EZR: variants seen among roughly 807,000 people sequenced by gnomAD.
The protein encoded by EZR is cytovillin 2.
Under a neutral mutation model 74.8 loss-of-function variants are expected in EZR, and 40 were observed. That is an observed-to-expected ratio of 0.53 (90% CI 0.42 to 0.70). The LOEUF (loss-of-function observed/expected upper bound fraction) is 0.70, where lower values mean the gene tolerates loss of function less well. Among genes scored for constraint, EZR ranks in the 30% least tolerant of loss-of-function variants. The pLI is 0.00. For synonymous variants in EZR, 341 were observed against 283.3 expected (o/e 1.20, Z -2.05); for missense variants, 678 against 755.8 (o/e 0.90, Z 1.21).
intron 7 of EZR, among the ~76,000 whole-genome samples, chr6:158,778,917 C>T (rs966732026): frequency 1.3e-5 from 2 of 152,104 alleles, no homozygotes; most frequent in African/African-American, 2.4e-5. Flanking sequence ...CCAATTAATA[C>T]ACGTAAAAAG....
chr6:158,817,389 G>A (rs1025841601), intron 2 of EZR, among the ~76,000 whole-genome samples: 6 of 152,216 alleles, frequency 3.9e-5, no homozygotes, highest in African/African-American at 1.4e-4. Flanking sequence ...CAAGGAGACA[G>A]AGGCGCAGGC....
At chr6:158,816,580 C>CG (rs1777560349) in intron 2 of EZR, among the ~76,000 whole-genome samples, 1 of 152,228 alleles carries the variant, frequency 6.6e-6, no homozygotes. Flanking sequence ...ACCACATGCA[C>CG]TGTCAAGCCT....
chr6:158,814,647 G>A (rs1372186600), intron 2 of EZR, among the ~76,000 whole-genome samples: 3 of 150,888 alleles, frequency 2.0e-5, no homozygotes, highest in Admixed American at 6.6e-5. Flanking sequence ...AGGTTCAAGC[G>A]ATTCTCCTGC....
intron 12 of EZR, among the ~76,000 whole-genome samples, chr6:158,767,821 C>G (rs1790950287): frequency 6.6e-6 from 1 of 152,124 alleles, no homozygotes; most frequent in Non-Finnish European, 1.5e-5. Context: ...GTAACGGGCT[C>G]TGTTCCTAGC....
intron 7 of EZR, among the ~76,000 whole-genome samples, chr6:158,777,475 C>T (rs1216213735): frequency 2.6e-5 from 4 of 152,268 alleles, no homozygotes; most frequent in Non-Finnish European, 5.9e-5. Flanking sequence ...GCTCTGCTCA[C>T]CTGACACTTC....
At chr6:158,770,078 CTG>C in intron 10 of EZR, 134 bp from the exon 11 acceptor site, 1 of 1,210,186 alleles carries the variant, frequency 8.3e-7, no homozygotes, top group Admixed American at 2.5e-5. Context: ...TCCAGTGACC[CTG>C]GAGGAAAGCA....
chr6:158,816,835 T>C (rs772888968), intron 2 of EZR, among the ~76,000 whole-genome samples: 2 of 152,150 alleles, frequency 1.3e-5, no homozygotes, highest in Non-Finnish European at 2.9e-5. Flanking sequence ...CCTGTAATCC[T>C]AGCATTTTGG....
At chr6:158,789,046 C>G (rs1791660986) in intron 3 of EZR, among the ~76,000 whole-genome samples, 1 of 152,236 alleles carries the variant, frequency 6.6e-6, no homozygotes, top group Non-Finnish European at 1.5e-5. Flanking sequence ...CTGAATCCGC[C>G]TGACTTTATA....
rs1214477811 is a variant in EZR, at chr6:158,767,457, A to G, written c.1400T>C (p.Met467Thr). ...VKTKEELHLV[M>T]TAPPPPPPPV... Reference sequence around the variant, plus strand: ...GGGTGGTGGGGGCGGGGGTGCTGTCATCACCAGGTGCAGCTCCTCCTTGGT... The same window carrying G: ...GGGTGGTGGGGGCGGGGGTGCTGTCGTCACCAGGTGCAGCTCCTCCTTGGT... The change falls in exon 13 of 14, where the codon ATG (methionine) becomes ACG (threonine). Residue 467 changes from methionine to threonine, a missense_variant. Physicochemically the swap from Met to Thr is moderately conservative, Grantham distance 81 (BLOSUM62 -1). Transcript: ENST00000367075. 7 of 1,612,068 alleles carry G rather than the reference A, an allele frequency of 4.3e-6. No homozygotes were observed. Among genetic ancestry groups the G allele is most frequent in the South Asian group, 1.1e-5 (1 of 90,938 alleles).
At chr6:158,774,689 A>G (rs1255937319) in intron 8 of EZR, among the ~76,000 whole-genome samples, 1 of 150,194 alleles carries the variant, frequency 6.7e-6, no homozygotes, top group Non-Finnish European at 1.5e-5. Flanking sequence ...ACACACACAC[A>G]CACACACACA....
intron 2 of EZR, among the ~76,000 whole-genome samples, chr6:158,804,158 GC>G (rs2128575040): frequency 6.6e-6 from 1 of 152,156 alleles, no homozygotes; most frequent in South Asian, 2.1e-4. Flanking sequence ...AGTTTTTAAG[GC>G]CCTTTTTGGT....
At chr6:158,819,063 G>A (rs1383075122) in intron 1 of EZR, among the ~76,000 whole-genome samples, 2 of 152,126 alleles carry the variant, frequency 1.3e-5, no homozygotes, top group Non-Finnish European at 2.9e-5. Context: ...AGCCGCCGAG[G>A]GACGGCGCCC....
intron 5 of EZR, among the ~76,000 whole-genome samples, chr6:158,785,036 T>C (rs1030342555): frequency 3.3e-5 from 5 of 152,186 alleles, no homozygotes; most frequent in South Asian, 2.1e-4. Flanking sequence ...GGGCAACCTA[T>C]CATACCCCAG....
rs1562490272 is a variant in EZR at position 158,770,912 on chromosome 6, A to G, written c.960-18T>C. 1 of 1,614,136 alleles carries G rather than the reference A, an allele frequency of 6.2e-7. No homozygotes were observed. The highest frequency in any genetic ancestry group is 2.2e-5 in the East Asian group (1 of 44,888). On this transcript the variant is annotated intron_variant, in intron 9 of 13. Transcript: ENST00000367075. ...GCTGTTGCCTGGTGCAGGGAAAAAG[A>G]GGCACAGGGAGATTTAGACTCTGGC...
chr6:158,786,790 A>G (rs903477785), intron 4 of EZR, among the ~76,000 whole-genome samples: 13 of 152,256 alleles, frequency 8.5e-5, no homozygotes, highest in Non-Finnish European at 1.8e-4. Flanking sequence ...AAACAAAGCA[A>G]TAACAGGTTC....
rs199951315 is a variant in EZR, at chr6:158,767,429, G to C, written c.1428C>G (p.Pro476=). ...VMTAPPPPPP[P]VYEPVSYHVQ... ...CATGGTAGCTCACCGGCTCGTACAC[G>C]GGGGGTGGTGGGGGCGGGGGTGCTG... Residue 476 remains proline (P), a synonymous_variant, in exon 13 of 14, where the codon CCC becomes CCG. Coordinates refer to ENST00000367075, the MANE Select transcript of EZR (RefSeq NM_001111077.2). 6.2e-6 allele frequency: 10 copies of C among 1,613,200 alleles called. No homozygotes were observed. Among genetic ancestry groups the C allele is most frequent in the African/African-American group, 1.3e-5 (1 of 75,028 alleles).
chr6:158,804,049 T>C (rs1044018159), intron 2 of EZR, among the ~76,000 whole-genome samples: 4 of 152,148 alleles, frequency 2.6e-5, no homozygotes, highest in Non-Finnish European at 5.9e-5. Context: ...CTGCTAGTCA[T>C]GCCCGAGTTC....
At chr6:158,791,575 T>C (rs1390836726) in intron 2 of EZR, among the ~76,000 whole-genome samples, 1 of 152,074 alleles carries the variant, frequency 6.6e-6, no homozygotes, top group Non-Finnish European at 1.5e-5. Context: ...ACCCTGGATA[T>C]GCCACCTTTC....
intron 7 of EZR, among the ~76,000 whole-genome samples, chr6:158,778,428 A>C (rs1791340929): frequency 6.6e-6 from 1 of 152,266 alleles, no homozygotes; most frequent in African/African-American, 2.4e-5. Context: ...AAAAAGGTTA[A>C]ACATGAAAAT....
Sources: allele counts gnomAD v4.1 joint callset (sites outside exome capture counted in the v4.1 genomes callset), GRCh38; gene constraint gnomAD v4.1.1; transcripts MANE v1.5; gene names NCBI Gene and HGNC (gene_info 2026-07-23, HGNC 2026-07-21).